The following PRKCE variants were observed in gnomAD, a reference collection of about 807,000 sequenced individuals.
PRKCE encodes the protein protein kinase C epsilon.
A neutral mutation model predicts 85.4 loss-of-function variants in PRKCE; 16 were observed. The ratio of observed to expected loss-of-function variants is 0.19; its 90% CI spans 0.13 to 0.28. The LOEUF is 0.28. Among genes scored for constraint, PRKCE ranks in the 10% least tolerant of loss-of-function variants. The probability of loss-of-function intolerance (pLI) is 1.00; values close to 1 mark genes in which losing one functional copy is unlikely to be tolerated. For synonymous variants in PRKCE, 388 were observed against 371.5 expected, an observed-to-expected ratio of 1.04 and a Z score of -0.51; for missense variants, 573 against 975.2, an observed-to-expected ratio of 0.59 and a Z score of 5.49.
intron 2 of PRKCE, among the ~76,000 whole-genome samples, chr2:45,883,858 G>T (rs1695057309): frequency 1.3e-5 from 2 of 152,236 alleles, no homozygotes; most frequent in South Asian, 4.1e-4. Context: ...TCTGCCTGGG[G>T]AGGGGCTTGG....
intron 2 of PRKCE, among the ~76,000 whole-genome samples, chr2:45,856,351 C>T (rs982798182): frequency 6.6e-6 from 1 of 152,194 alleles, no homozygotes; most frequent in African/African-American, 2.4e-5. Context: ...GTGCCTCAGC[C>T]TCCCGAGTAG....
chr2:46,009,285 TAGAAAACCTTTTAC>T (rs1705462761), intron 9 of PRKCE, among the ~76,000 whole-genome samples: 1 of 152,192 alleles, frequency 6.6e-6, no homozygotes, highest in Non-Finnish European at 1.5e-5. Flanking sequence ...AAAACAGGCT[TAGAAAACCTTTTAC>T]AGAAAGTAAA....
intron 2 of PRKCE, among the ~76,000 whole-genome samples, chr2:45,879,068 T>G (rs1336216591): frequency 6.6e-6 from 1 of 152,192 alleles, no homozygotes; most frequent in African/African-American, 2.4e-5. Context: ...ACATCCTCGT[T>G]TTCCCACTCG....
intron 6 of PRKCE, among the ~76,000 whole-genome samples, chr2:45,993,572 G>A (rs773247190): frequency 3.9e-5 from 6 of 152,194 alleles, no homozygotes; most frequent in Non-Finnish European, 8.8e-5. Flanking sequence ...GGACAGACAG[G>A]TCTGGCATTT....
chr2:45,664,750 T>C (rs892677477), intron 1 of PRKCE, among the ~76,000 whole-genome samples: 14 of 152,260 alleles, frequency 9.2e-5, no homozygotes, highest in Non-Finnish European at 1.8e-4. Flanking sequence ...GCTGAGACAT[T>C]GTTGCATTTT....
At chr2:46,092,607 A>G (rs990866957) in intron 11 of PRKCE, among the ~76,000 whole-genome samples, 1 of 152,178 alleles carries the variant, frequency 6.6e-6, no homozygotes, top group Non-Finnish European at 1.5e-5. Flanking sequence ...GCACCTTATA[A>G]ACCTGTCTTA....
intron 1 of PRKCE, among the ~76,000 whole-genome samples, chr2:45,700,142 A>G (rs557148179): frequency 6.6e-6 from 1 of 150,682 alleles, no homozygotes; most frequent in East Asian, 2.0e-4. Flanking sequence ...TTTCCTTTTA[A>G]GTAGCAGAGG....
At chr2:45,806,497 A>G (rs1174010656) in intron 1 of PRKCE, among the ~76,000 whole-genome samples, 1 of 152,234 alleles carries the variant, frequency 6.6e-6, no homozygotes, top group Admixed American at 6.5e-5. Context: ...AAGTCCGTTC[A>G]CATTGTTGTG....
At chr2:45,961,690 A>G (rs1545409) in intron 2 of PRKCE, among the ~76,000 whole-genome samples, 29,029 of 132,482 alleles carry the variant, frequency 0.22, 3,795 homozygotes, top group East Asian at 0.51. Context: ...CTCCATTGCC[A>G]GGATTCTTTT....
intron 10 of PRKCE, among the ~76,000 whole-genome samples, chr2:46,081,467 G>A (rs1175034276): frequency 3.9e-5 from 6 of 152,178 alleles, no homozygotes; most frequent in Middle Eastern, 3.2e-3. Context: ...AGACTACGGC[G>A]GGGAGGGGAG....
intron 1 of PRKCE, among the ~76,000 whole-genome samples, chr2:45,830,039 C>T (rs1690280803): frequency 7.2e-6 from 1 of 139,330 alleles, no homozygotes; most frequent in Admixed American, 7.7e-5. Context: ...CGCCACTGCA[C>T]TCCAGCCTGG....
At chr2:46,006,191 C>A (rs902320078) in intron 8 of PRKCE, among the ~76,000 whole-genome samples, 2 of 152,222 alleles carry the variant, frequency 1.3e-5, no homozygotes, top group Admixed American at 6.5e-5. Flanking sequence ...GACATAGTTT[C>A]TTTTTCTTCC....
At chr2:45,865,070 G>C (rs529549634) in intron 2 of PRKCE, among the ~76,000 whole-genome samples, 2 of 152,290 alleles carry the variant, frequency 1.3e-5, no homozygotes, top group Non-Finnish European at 2.9e-5. Flanking sequence ...AAACTTTATT[G>C]TCCATATAAG....
At chr2:46,069,416 A>G (rs2103711113) in intron 10 of PRKCE, among the ~76,000 whole-genome samples, 1 of 152,234 alleles carries the variant, frequency 6.6e-6, no homozygotes, top group East Asian at 1.9e-4. Context: ...TAAAGTATAT[A>G]CTTTGCAAAA....
intron 10 of PRKCE, among the ~76,000 whole-genome samples, chr2:46,054,477 C>T (rs773788796): frequency 9.9e-5 from 15 of 152,222 alleles, no homozygotes; most frequent in African/African-American, 7.2e-5. Flanking sequence ...ACTAGGAGTG[C>T]ATCTCCACAT....
At chr2:45,885,007 T>TGTTGTTGTG in intron 2 of PRKCE, among the ~76,000 whole-genome samples, 1 of 124,182 alleles carries the variant, frequency 8.1e-6, no homozygotes, top group Non-Finnish European at 1.7e-5. Flanking sequence ...ATATATTTGT[T>TGTTGTTGTG]GTTGTTGTTG....
At chr2:46,178,460 T>C (rs1558533056) in intron 14 of PRKCE, among the ~76,000 whole-genome samples, 1 of 152,246 alleles carries the variant, frequency 6.6e-6, no homozygotes, top group Non-Finnish European at 1.5e-5. Flanking sequence ...ACTTGAGAGT[T>C]AGATTCTCAT....
At chr2:45,682,551 C>G (rs560538217) in intron 1 of PRKCE, among the ~76,000 whole-genome samples, 3 of 152,162 alleles carry the variant, frequency 2.0e-5, no homozygotes, top group Admixed American at 2.0e-4. Flanking sequence ...CTCAGCCTCC[C>G]AAGTAACTGG....
intron 11 of PRKCE, among the ~76,000 whole-genome samples, chr2:46,091,103 G>A (rs769641724): frequency 2.0e-5 from 3 of 151,948 alleles, no homozygotes; most frequent in Non-Finnish European, 4.4e-5. Context: ...ACAGCAGAGG[G>A]TGCTGTCTCT....
Sources: allele counts gnomAD v4.1 joint callset (sites outside exome capture counted in the v4.1 genomes callset), GRCh38; gene constraint gnomAD v4.1.1; transcripts MANE v1.5; gene names NCBI Gene and HGNC (gene_info 2026-07-23, HGNC 2026-07-21).